The following GRIK4 variants were observed in gnomAD, a reference collection of about 807,000 sequenced individuals.
The protein encoded by GRIK4 is glutamate receptor ionotropic, kainate 4.
In GRIK4, 40 loss-of-function variants were observed where a neutral mutation model predicts 104.9. That is an observed-to-expected ratio of 0.38 (90% CI 0.30 to 0.50). The LOEUF (loss-of-function observed/expected upper bound fraction) is 0.50, where lower values mean the gene tolerates loss of function less well. Among genes scored for constraint, GRIK4 ranks in the 20% least tolerant of loss-of-function variants. The pLI is 0.93. For synonymous variants in GRIK4, 485 were observed against 524.9 expected (o/e 0.92, Z 1.04); for missense variants, 1,047 against 1,308.1 (o/e 0.80, Z 3.08).
chr11:120,596,789 A>G (rs1043469327), intron 1 of GRIK4, among the ~76,000 whole-genome samples: 1 of 151,874 alleles, frequency 6.6e-6, no homozygotes, highest in Non-Finnish European at 1.5e-5. Flanking sequence ...CAGTGGCGCC[A>G]TATTGGCTCA....
chr11:120,917,634 A>T (rs571309122), intron 13 of GRIK4, among the ~76,000 whole-genome samples: 1 of 152,226 alleles, frequency 6.6e-6, no homozygotes, highest in Non-Finnish European at 1.5e-5. Flanking sequence ...CACAGATTTG[A>T]AACAGACTTC....
At chr11:120,811,305 G>A (rs1024163053) in intron 4 of GRIK4, among the ~76,000 whole-genome samples, 1 of 152,188 alleles carries the variant, frequency 6.6e-6, no homozygotes, top group African/African-American at 2.4e-5. Flanking sequence ...TGAAAAAAGG[G>A]AAGACAATAA....
intron 2 of GRIK4, among the ~76,000 whole-genome samples, chr11:120,654,014 G>A (rs553234209): frequency 1.3e-5 from 2 of 152,266 alleles, no homozygotes; most frequent in East Asian, 1.9e-4. Flanking sequence ...TTTTTGAACT[G>A]TCTGTCTTCC....
intron 11 of GRIK4, among the ~76,000 whole-genome samples, chr11:120,882,702 C>T (rs945228368): frequency 1.3e-5 from 2 of 152,132 alleles, no homozygotes; most frequent in Non-Finnish European, 1.5e-5. Flanking sequence ...TGGAGGTCAG[C>T]GAGTCCATCT....
At chr11:120,931,407 A>G (rs1943479149) in intron 13 of GRIK4, among the ~76,000 whole-genome samples, 1 of 152,220 alleles carries the variant, frequency 6.6e-6, no homozygotes, top group Admixed American at 6.5e-5. Flanking sequence ...GGTGGAGACC[A>G]GAGTGCCTGG....
At chr11:120,682,457 G>A (rs565670865) in intron 3 of GRIK4, among the ~76,000 whole-genome samples, 3 of 152,220 alleles carry the variant, frequency 2.0e-5, no homozygotes, top group Admixed American at 2.0e-4. Flanking sequence ...AGCTCTTGAT[G>A]CTTTTTCTTT....
At chr11:120,580,131 C>T (rs188219857) in intron 1 of GRIK4, among the ~76,000 whole-genome samples, 15 of 152,198 alleles carry the variant, frequency 9.9e-5, no homozygotes, top group South Asian at 2.1e-4. Context: ...CGTTGAAGGA[C>T]GTTTGGATTG....
At chr11:120,529,591 G>A (rs965588867) in intron 1 of GRIK4, among the ~76,000 whole-genome samples, 3 of 152,196 alleles carry the variant, frequency 2.0e-5, no homozygotes, top group African/African-American at 4.8e-5. Flanking sequence ...GTTCCCTGTC[G>A]GGAGTGGTGG....
At chr11:120,790,904 G>T (rs764567377) in intron 3 of GRIK4, among the ~76,000 whole-genome samples, 2 of 152,168 alleles carry the variant, frequency 1.3e-5, no homozygotes, top group Non-Finnish European at 2.9e-5. Context: ...GTGCTATGAA[G>T]TGAAACTGGG....
intron 1 of GRIK4, among the ~76,000 whole-genome samples, chr11:120,645,754 C>T (rs1204383695): frequency 2.0e-5 from 3 of 152,192 alleles, no homozygotes; most frequent in Non-Finnish European, 2.9e-5. Flanking sequence ...ATCTGGCGCC[C>T]GCCTTCACGT....
At chr11:120,603,507 C>A (rs572885848) in intron 1 of GRIK4, among the ~76,000 whole-genome samples, 201 of 152,312 alleles carry the variant, frequency 1.3e-3, no homozygotes, top group African/African-American at 4.7e-3. Context: ...TTTCTTTCAG[C>A]CCTCCTTTGA....
chr11:120,818,193 T>C (rs558649455), intron 5 of GRIK4, among the ~76,000 whole-genome samples: 2 of 152,280 alleles, frequency 1.3e-5, no homozygotes, highest in African/African-American at 2.4e-5. Flanking sequence ...TTGTGCTCTA[T>C]TGGATTCGCT....
At chr11:120,569,907 C>T (rs143063621) in intron 1 of GRIK4, among the ~76,000 whole-genome samples, 1,926 of 152,306 alleles carry the variant, frequency 0.013, 18 homozygotes, top group Admixed American at 0.016. Flanking sequence ...GTTCCTTTCC[C>T]ATTTGTATTT....
At chr11:120,855,415 C>A (rs192478421) in intron 8 of GRIK4, among the ~76,000 whole-genome samples, 1 of 152,122 alleles carries the variant, frequency 6.6e-6, no homozygotes, top group Non-Finnish European at 1.5e-5. Context: ...TTTTGCCTGG[C>A]GCACAGTTGG....
At chr11:120,741,748 A>G (rs547760743) in intron 3 of GRIK4, among the ~76,000 whole-genome samples, 2 of 152,340 alleles carry the variant, frequency 1.3e-5, no homozygotes, top group African/African-American at 4.8e-5. Context: ...GGATATCAGT[A>G]TACATGCACG....
intron 3 of GRIK4, among the ~76,000 whole-genome samples, chr11:120,754,269 C>T (rs184657786): frequency 1.6e-3 from 240 of 152,292 alleles, no homozygotes; most frequent in Non-Finnish European, 2.8e-3. Flanking sequence ...GCCTCAGCCT[C>T]CCAAAGTGCT....
chr11:120,875,790 C>T (rs1015807656), intron 11 of GRIK4, among the ~76,000 whole-genome samples: 1 of 152,190 alleles, frequency 6.6e-6, no homozygotes, highest in Non-Finnish European at 1.5e-5. Context: ...CTCCCCACTC[C>T]TTTGCTCATT....
At chr11:120,607,772 TAAG>T (rs1948980458) in intron 1 of GRIK4, among the ~76,000 whole-genome samples, 1 of 152,010 alleles carries the variant, frequency 6.6e-6, no homozygotes, top group African/African-American at 2.4e-5. Flanking sequence ...TATAGTCACT[TAAG>T]AAGAGCAGAG....
chr11:120,895,958 A>G (rs931608418), intron 11 of GRIK4, among the ~76,000 whole-genome samples: 17 of 152,254 alleles, frequency 1.1e-4, no homozygotes, highest in Admixed American at 4.6e-4. Context: ...TTAAGAGACA[A>G]TAGGAGCTCC....
Sources: allele counts gnomAD v4.1 joint callset (sites outside exome capture counted in the v4.1 genomes callset), GRCh38; gene constraint gnomAD v4.1.1; transcripts MANE v1.5; gene names NCBI Gene and HGNC (gene_info 2026-07-23, HGNC 2026-07-21).